Variants in OBP2B observed in about 807,000 individuals in gnomAD.
OBP2B encodes odorant-binding protein 2b.
In OBP2B, 10 loss-of-function variants were observed where a neutral mutation model predicts 21.7. The observed-to-expected ratio is 0.46, with a 90% CI of 0.28 to 0.78. OBP2B has a LOEUF of 0.78. Among genes scored for constraint, OBP2B ranks in the 30% least tolerant of loss-of-function variants. OBP2B has a pLI of 0.11. For missense variants in OBP2B, 153 were observed against 217.7 expected (o/e 0.70, Z 1.87); for synonymous variants, 73 against 91.5 (o/e 0.80, Z 1.16).
chr9:133,218,241 C>T, the OBP2B span, among the ~76,000 whole-genome samples: 19 of 152,124 alleles, frequency 1.2e-4, no homozygotes, highest in Non-Finnish European at 2.2e-4. Flanking sequence ...TGGCAGTTTC[C>T]GGGAACACAC....
chr9:133,215,728 A>G, the OBP2B span, among the ~76,000 whole-genome samples: 24 of 152,242 alleles, frequency 1.6e-4, no homozygotes, highest in Non-Finnish European at 1.2e-4. Context: ...GCAGATGGAC[A>G]GATGCATAGA....
At position 133,208,488 on chromosome 9, in the gene OBP2B, C is replaced by T. The variant is rs1441338720; in HGVS notation, c.187G>A (p.Glu63Lys). The T allele has an allele frequency of 6.2e-7, 1 of 1,613,778 alleles. No homozygotes were observed. Among genetic ancestry groups the T allele is most frequent in the African/African-American group, 1.3e-5 (1 of 74,914 alleles). The change falls in exon 2 of 7, where the codon GAA (glutamate) becomes AAA (lysine). Residue 63 changes from glutamate to lysine, a missense_variant. This residue lies in a region of OBP2B where 151 missense variants were observed against 186.3 expected (regional missense o/e 0.81). Transcript: ENST00000372034. The stretch of plus-strand genomic sequence containing the variant: ...ACTCACATGAAGGTGAACGTGGCTT[C>T]CAACTTCCCACCGCCCAGGGCTGTC... ...KVTALGGGKL[E>K]ATFTFMREDR...
chr9:133,222,523 T>A, the OBP2B span, among the ~76,000 whole-genome samples: 2 of 151,094 alleles, frequency 1.3e-5, no homozygotes, highest in Non-Finnish European at 3.0e-5. Context: ...AGGTCAGGAG[T>A]TCAAGATCAG....
intron 1 of OBP2B, among the ~76,000 whole-genome samples, chr9:133,208,853 G>A (rs1215749776): frequency 6.6e-6 from 1 of 152,006 alleles, no homozygotes; most frequent in African/African-American, 2.4e-5. Flanking sequence ...CCAGCACCAG[G>A]TGAGCCCTCC....
chr9:133,217,137 G>A, the OBP2B span, among the ~76,000 whole-genome samples: 3 of 152,040 alleles, frequency 2.0e-5, no homozygotes, highest in East Asian at 1.9e-4. Context: ...CTGAATAAAG[G>A]TTCATTTTTA....
chr9:133,212,457 T>C (rs1833925517), upstream of OBP2B, among the ~76,000 whole-genome samples: 1 of 152,206 alleles, frequency 6.6e-6, no homozygotes, highest in Non-Finnish European at 1.5e-5. Flanking sequence ...TTTTTAAAAA[T>C]TTAAATGATA....
intron 4 of OBP2B, among the ~76,000 whole-genome samples, 190 bp downstream of exon 4, chr9:133,207,036 C>T (rs880000472): frequency 2.6e-5 from 4 of 152,134 alleles, no homozygotes; most frequent in Admixed American, 6.5e-5. Context: ...AGGGCCATGT[C>T]TGTCCCTGCC....
chr9:133,213,108 C>G (rs1471447751), upstream of OBP2B, among the ~76,000 whole-genome samples: 1 of 151,562 alleles, frequency 6.6e-6, no homozygotes, highest in South Asian at 2.1e-4. Context: ...GGCATGGTGG[C>G]GTATACCTGT....
At chr9:133,219,361 C>A in the OBP2B span, among the ~76,000 whole-genome samples, 1 of 152,150 alleles carries the variant, frequency 6.6e-6, no homozygotes, top group African/African-American at 2.4e-5. Context: ...ACTTGCAAAT[C>A]ACATATCTGA....
chr9:133,211,235 CTCAGTTAAGGCTGCAAGA>C, upstream of OBP2B, among the ~76,000 whole-genome samples: 1 of 152,314 alleles, frequency 6.6e-6, no homozygotes, highest in Admixed American at 6.5e-5. Context: ...TACGATGAAT[CTCAGTTAAGGCTGCAAGA>C]CCAACTGCAC....
At chr9:133,210,730 C>A (rs75610184), upstream of OBP2B, among the ~76,000 whole-genome samples, 487 of 152,328 alleles carry the variant, frequency 3.2e-3, 2 homozygotes, top group African/African-American at 0.011. Flanking sequence ...ACGCTCAGTG[C>A]GACGGGTGCT....
At chr9:133,206,450 G>A (rs1444359658) in intron 4 of OBP2B, 34 bp from the exon 5 acceptor site, 1 of 1,610,354 alleles carries the variant, frequency 6.2e-7, no homozygotes, top group East Asian at 2.2e-5. Context: ...GCCGACGTGG[G>A]GACAGCGGCA....
chr9:133,206,986 C>T (rs868984603), intron 4 of OBP2B, among the ~76,000 whole-genome samples: 1 of 152,114 alleles, frequency 6.6e-6, no homozygotes, highest in Non-Finnish European at 1.5e-5. Flanking sequence ...CTCCTACACC[C>T]GAGACCCCAG....
intron 6 of OBP2B, chr9:133,205,675 G>T (rs1197761643): frequency 9.6e-6 from 6 of 624,696 alleles, no homozygotes; most frequent in Admixed American, 2.9e-5. Context: ...GGGAGGCCTC[G>T]CTGTGGAAAG....
chr9:133,213,299 A>T (rs1175031341), upstream of OBP2B, among the ~76,000 whole-genome samples: 1 of 152,166 alleles, frequency 6.6e-6, no homozygotes, highest in Non-Finnish European at 1.5e-5. Flanking sequence ...CAGTGCTGAG[A>T]GGCATTAAAT....
At chr9:133,205,891 C>T (rs1485803249) in intron 6 of OBP2B, 26 bp downstream of exon 6, 3 of 1,613,878 alleles carry the variant, frequency 1.9e-6, no homozygotes, top group Admixed American at 3.3e-5. Context: ...TGGGCTTGTC[C>T]AGTGCCCTCC....
At chr9:133,215,663 T>C in the OBP2B span, among the ~76,000 whole-genome samples, 1 of 152,132 alleles carries the variant, frequency 6.6e-6, no homozygotes, top group Non-Finnish European at 1.5e-5. Context: ...GGATTACAGA[T>C]GCACACCACC....
intron 5 of OBP2B, 122 bp from the exon 6 acceptor site, chr9:133,206,062 C>G: frequency 7.9e-7 from 1 of 1,266,630 alleles, no homozygotes; most frequent in Non-Finnish European, 1.1e-6. Flanking sequence ...AGCCCCAGAC[C>G]CCATCGCAGC....
At chr9:133,219,897 T>C in the OBP2B span, among the ~76,000 whole-genome samples, 3 of 152,006 alleles carry the variant, frequency 2.0e-5, no homozygotes, top group East Asian at 1.9e-4. Context: ...GATGAATGGA[T>C]AAAAAAGGTG....
Sources: gnomAD v4.1 joint callset for allele counts (sites outside exome capture counted in the v4.1 genomes callset) on GRCh38, gnomAD v4.1.1 for gene constraint, gnomAD v4.1.1 regional missense constraint, MANE v1.5 for transcripts, NCBI Gene and HGNC (gene_info 2026-07-23, HGNC 2026-07-21) for gene names.